Variants in CCSER2 observed in about 807,000 individuals in gnomAD.
The protein encoded by CCSER2 is coiled-coil serine rich protein 2.
CCSER2 carries 46 observed loss-of-function variants against 92.3 expected under a neutral mutation model. The observed-to-expected ratio is 0.50, with a 90% CI of 0.39 to 0.64. The LOEUF (loss-of-function observed/expected upper bound fraction) is 0.64, where lower values mean the gene tolerates loss of function less well. Ranked by LOEUF, CCSER2 falls within the 30% of genes least tolerant of loss-of-function variation. The pLI, the probability that CCSER2 is intolerant of heterozygous loss-of-function variation, is 0.00. For synonymous variants in CCSER2, 433 were observed against 431.4 expected, an observed-to-expected ratio of 1.00 and a Z score of -0.04; for missense variants, 1,244 against 1,238.9, an observed-to-expected ratio of 1.00 and a Z score of -0.06.
chr10:84,335,216 TTC>T (rs756732857), intron 1 of CCSER2, among the ~76,000 whole-genome samples: 2,568 of 124,096 alleles, frequency 0.021, 693 homozygotes, highest in Middle Eastern at 0.035. Context: ...AGCATTCTAC[TTC>T]TCTCTCTCTC....
intron 5 of CCSER2, among the ~76,000 whole-genome samples, chr10:84,435,998 G>A (rs950243120): frequency 2.8e-4 from 42 of 152,048 alleles, no homozygotes; most frequent in African/African-American, 7.0e-4. Context: ...GAGATTGTAG[G>A]ATGCTTTGGG....
intron 5 of CCSER2, among the ~76,000 whole-genome samples, chr10:84,433,151 C>G (rs945409657): frequency 1.8e-4 from 27 of 152,040 alleles, no homozygotes; most frequent in Admixed American, 5.9e-4. Context: ...TAGTGTTAGG[C>G]CTTCGACTTT....
At chr10:84,417,477 A>G (rs1842941433) in intron 3 of CCSER2, among the ~76,000 whole-genome samples, 1 of 152,238 alleles carries the variant, frequency 6.6e-6, no homozygotes, top group African/African-American at 2.4e-5. Context: ...TTGATTCTTC[A>G]GTATTTTACC....
chr10:84,472,245 AG>A (rs1486799749), intron 8 of CCSER2, among the ~76,000 whole-genome samples: 1 of 152,156 alleles, frequency 6.6e-6, no homozygotes, highest in African/African-American at 2.4e-5. Context: ...ATTTAGCTAA[AG>A]GAAAATGGCA....
intron 7 of CCSER2, among the ~76,000 whole-genome samples, chr10:84,467,425 C>T (rs906724942): frequency 6.6e-6 from 1 of 152,088 alleles, no homozygotes; most frequent in African/African-American, 2.4e-5. Context: ...CCCATAAGTA[C>T]TTCTAACACA....
chr10:84,403,398 T>C (rs1292920479), intron 3 of CCSER2, among the ~76,000 whole-genome samples: 1 of 152,156 alleles, frequency 6.6e-6, no homozygotes, highest in Non-Finnish European at 1.5e-5. Flanking sequence ...TTCTTTGATA[T>C]TAAAAACATA....
intron 1 of CCSER2, among the ~76,000 whole-genome samples, chr10:84,335,101 C>T (rs1210671431): frequency 1.3e-5 from 2 of 152,006 alleles, no homozygotes; most frequent in African/African-American, 2.4e-5. Flanking sequence ...AGCTGAGGAA[C>T]GATGGGCATC....
chr10:84,336,459 G>C (rs917998761), intron 1 of CCSER2, among the ~76,000 whole-genome samples: 1 of 152,202 alleles, frequency 6.6e-6, no homozygotes, highest in South Asian at 2.1e-4. Flanking sequence ...GGTGGTTAGG[G>C]AAGGCTGTAA....
chr10:84,463,286 A>G (rs538756957), intron 6 of CCSER2, among the ~76,000 whole-genome samples: 1 of 152,298 alleles, frequency 6.6e-6, no homozygotes, highest in Admixed American at 6.5e-5. Flanking sequence ...TTTCATATGT[A>G]TGTTTAACTA....
intron 1 of CCSER2, among the ~76,000 whole-genome samples, chr10:84,344,179 G>T (rs1326287420): frequency 6.6e-6 from 1 of 151,986 alleles, no homozygotes; most frequent in East Asian, 1.9e-4. Flanking sequence ...AATTTTTTTT[G>T]GTTTGCTAAT....
At chr10:84,377,710 A>C (rs972202433) in intron 3 of CCSER2, among the ~76,000 whole-genome samples, 1 of 152,160 alleles carries the variant, frequency 6.6e-6, no homozygotes, top group African/African-American at 2.4e-5. Flanking sequence ...GAATTTATAG[A>C]TGATTTTGGA....
intron 7 of CCSER2, among the ~76,000 whole-genome samples, chr10:84,468,344 A>G (rs894273222): frequency 5.9e-5 from 9 of 152,192 alleles, no homozygotes; most frequent in African/African-American, 2.2e-4. Context: ...AGTGTTCCCA[A>G]TGCAAAGAGA....
At chr10:84,388,921 A>G (rs1341957890) in intron 3 of CCSER2, among the ~76,000 whole-genome samples, 1 of 152,284 alleles carries the variant, frequency 6.6e-6, no homozygotes, top group African/African-American at 2.4e-5. Flanking sequence ...TTAACCAGCC[A>G]TAGACTGGTA....
chr10:84,362,141 C>T (rs138449814), intron 1 of CCSER2, among the ~76,000 whole-genome samples: 26 of 152,242 alleles, frequency 1.7e-4, no homozygotes, highest in African/African-American at 6.3e-4. Flanking sequence ...ACTCCTGTTA[C>T]TGTTCTTCCT....
intron 1 of CCSER2, among the ~76,000 whole-genome samples, chr10:84,335,784 T>C (rs938015984): frequency 6.6e-6 from 1 of 152,204 alleles, no homozygotes; most frequent in African/African-American, 2.4e-5. Flanking sequence ...GAGCTTTCTC[T>C]GACCATTATC....
rs533517555 is a variant in CCSER2 at position 84,465,752 on chromosome 10, C to CT, written c.2148+1745dup. On this transcript the variant is annotated intron_variant, in intron 7 of 9. Coordinates refer to ENST00000372088, the MANE Select transcript of CCSER2 (RefSeq NM_001284240.2). ...AATGCTATATGATAGACATTTTTTG[C>CT]TTTTTTTTTCTTTTTTGAGATGGAG... Among the ~76,000 whole-genome samples the CT allele has an allele frequency of 4.8e-3, 729 of 150,498 alleles. 8 individuals are homozygous for CT. Among genetic ancestry groups the CT allele is most frequent in the African/African-American group, 0.016 (649 of 41,042 alleles).
intron 5 of CCSER2, among the ~76,000 whole-genome samples, chr10:84,428,052 G>A (rs1002871170): frequency 6.6e-6 from 1 of 152,138 alleles, no homozygotes; most frequent in African/African-American, 2.4e-5. Context: ...TTGGCCCTTA[G>A]CCCACTTTCC....
At chr10:84,397,573 A>C (rs1841910763) in intron 3 of CCSER2, among the ~76,000 whole-genome samples, 1 of 152,230 alleles carries the variant, frequency 6.6e-6, no homozygotes, top group Non-Finnish European at 1.5e-5. Flanking sequence ...ATTTTGATTT[A>C]TTAAATATAT....
intron 3 of CCSER2, among the ~76,000 whole-genome samples, chr10:84,402,212 T>A (rs1371030295): frequency 6.6e-6 from 1 of 152,182 alleles, no homozygotes; most frequent in Non-Finnish European, 1.5e-5. Context: ...CTGCAATGCC[T>A]GCCCTGAAGC....
Sources: gnomAD v4.1 joint callset for allele counts (sites outside exome capture counted in the v4.1 genomes callset) on GRCh38, gnomAD v4.1.1 for gene constraint, MANE v1.5 for transcripts, NCBI Gene and HGNC (gene_info 2026-07-23, HGNC 2026-07-21) for gene names.